CDK12: variants seen among roughly 807,000 people sequenced by gnomAD.
CDK12 encodes cyclin dependent kinase 12.
Under a neutral mutation model 133.8 loss-of-function variants are expected in CDK12, and 17 were observed. The ratio of observed to expected loss-of-function variants is 0.13; its 90% confidence interval spans 0.09 to 0.19. The LOEUF is 0.19. CDK12 is among the 10% of genes least tolerant of loss of function. The pLI, the probability that CDK12 is intolerant of heterozygous loss-of-function variation, is 1.00. For missense variants in CDK12, 1,508 were observed against 1,818.7 expected (o/e 0.83, Z 3.11); for synonymous variants, 694 against 683.6 (o/e 1.02, Z -0.24).
intron 6 of CDK12, among the ~76,000 whole-genome samples, chr17:39,502,363 C>G (rs1197989077): frequency 6.6e-6 from 1 of 151,998 alleles, no homozygotes; most frequent in Non-Finnish European, 1.5e-5. Flanking sequence ...CCATGTTAGC[C>G]AGGATGGTCT....
intron 2 of CDK12, among the ~76,000 whole-genome samples, chr17:39,484,720 C>T (rs1684774043): frequency 6.6e-6 from 1 of 151,970 alleles, no homozygotes; most frequent in Non-Finnish European, 1.5e-5. Flanking sequence ...ATCCCTAATC[C>T]AAAAATCTAG....
intron 8 of CDK12, among the ~76,000 whole-genome samples, chr17:39,514,631 A>G (rs2053685519): frequency 6.6e-6 from 1 of 152,194 alleles, no homozygotes; most frequent in South Asian, 2.1e-4. Flanking sequence ...ATGAGCTGCC[A>G]TGCTCAGCCT....
At chr17:39,476,430 A>G (rs371453076) in intron 2 of CDK12, among the ~76,000 whole-genome samples, 55 of 148,528 alleles carry the variant, frequency 3.7e-4, no homozygotes, top group African/African-American at 1.3e-3. Context: ...TTATTTATTT[A>G]TTTTTTGAGA....
intron 3 of CDK12, among the ~76,000 whole-genome samples, chr17:39,557,627 T>A (rs2056208994): frequency 6.6e-6 from 1 of 152,214 alleles, no homozygotes; most frequent in African/African-American, 2.4e-5. Context: ...GATGAAAGAC[T>A]TCAGATTGGA....
At chr17:39,498,356 C>G (rs959300130) in intron 5 of CDK12, among the ~76,000 whole-genome samples, 2 of 152,012 alleles carry the variant, frequency 1.3e-5, no homozygotes, top group Non-Finnish European at 2.9e-5. Context: ...TCCCAAGTAG[C>G]TGGGATTACA....
chr17:39,558,947 A>G (rs2056266869), intron 3 of CDK12, among the ~76,000 whole-genome samples: 1 of 152,204 alleles, frequency 6.6e-6, no homozygotes, highest in African/African-American at 2.4e-5. Flanking sequence ...CCCGGCCTTC[A>G]TGCATTTTAA....
intron 13 of CDK12, 80 bp from the exon 14 acceptor site, chr17:39,530,524 T>G: frequency 6.7e-7 from 1 of 1,502,248 alleles, no homozygotes; most frequent in East Asian, 2.3e-5. Flanking sequence ...TATTTGTTTA[T>G]GTTGCACAGT....
chr17:39,490,594 G>C lies in CDK12; in HGVS notation c.1969G>C (p.Glu657Gln). 1 of 1,613,216 alleles carries C rather than the reference G, an allele frequency of 6.2e-7. No individual in the cohort carries two copies. The highest frequency in any genetic ancestry group is 8.5e-7 in the Non-Finnish European group (1 of 1,179,542). Residue 657 changes from glutamate to glutamine, a missense_variant, in exon 3 of 14, where the codon GAG (glutamate) becomes CAG (glutamine). Physicochemically the swap from Glu to Gln is conservative, Grantham distance 29. Around this residue, in one of 9 missense-constraint regions of CDK12, gnomAD observed 347 missense variants for 330.8 expected, o/e 1.05. Coordinates refer to ENST00000447079, the MANE Select transcript of CDK12 (RefSeq NM_016507.4). Reference sequence around the variant, plus strand: ...TCTTCCTTCAAAACCTGTGAAGAAAGAGAAGGAACAGAGGACACGTCACTT... The same window carrying C: ...TCTTCCTTCAAAACCTGTGAAGAAACAGAAGGAACAGAGGACACGTCACTT... ...ETLPSKPVKKEKEQRTRHLLT... is the reference protein window; with the variant it reads ...ETLPSKPVKKQKEQRTRHLLT...
intron 13 of CDK12, among the ~76,000 whole-genome samples, chr17:39,527,413 A>C (rs1482508537): frequency 6.6e-6 from 1 of 152,194 alleles, no homozygotes; most frequent in Non-Finnish European, 1.5e-5. Flanking sequence ...GTTAATTAGC[A>C]CTTCCACCAG....
At chr17:39,485,386 C>T (rs2051034277) in intron 2 of CDK12, among the ~76,000 whole-genome samples, 1 of 148,530 alleles carries the variant, frequency 6.7e-6, no homozygotes, top group South Asian at 2.1e-4. Flanking sequence ...GAGTTTGAGA[C>T]CAGAGCTTAG....
At chr17:39,514,098 G>A (rs775308602) in intron 8 of CDK12, among the ~76,000 whole-genome samples, 8 of 151,596 alleles carry the variant, frequency 5.3e-5, no homozygotes, top group African/African-American at 1.5e-4. Flanking sequence ...ATCTCACTAC[G>A]TTGCCCAGCC....
intron 2 of CDK12, among the ~76,000 whole-genome samples, chr17:39,480,015 C>T (rs2050512852): frequency 6.6e-6 from 1 of 151,160 alleles, no homozygotes; most frequent in South Asian, 2.1e-4. Context: ...CCTCCACTTC[C>T]TGGGTTCAAG....
intron 2 of CDK12, among the ~76,000 whole-genome samples, chr17:39,485,169 CAA>C (rs564188686): frequency 2.1e-4 from 16 of 75,022 alleles, no homozygotes; most frequent in South Asian, 8.5e-4. Flanking sequence ...GACTCTGTCT[CAA>C]AAAAAAAAAA....
At chr17:39,557,319 G>A (rs1163284503) in intron 3 of CDK12, among the ~76,000 whole-genome samples, 1 of 152,160 alleles carries the variant, frequency 6.6e-6, no homozygotes, top group Non-Finnish European at 1.5e-5. Context: ...CTCTAAGCTG[G>A]TCTTTTTGAT....
At chr17:39,566,348 A>T (rs1299216085), downstream of CDK12, among the ~76,000 whole-genome samples, 3 of 152,072 alleles carry the variant, frequency 2.0e-5, no homozygotes, top group Admixed American at 1.3e-4. Flanking sequence ...TCTGGTCATT[A>T]GGGCAAGGAG....
In CDK12 at chr17:39,462,398, C is replaced by T. The variant is rs761059862; in HGVS notation, c.327C>T (p.His109=). The T allele has an allele frequency of 6.2e-7, 1 of 1,614,158 alleles. No homozygotes were observed. Among genetic ancestry groups the T allele is most frequent in the Non-Finnish European group, 8.5e-7 (1 of 1,180,032 alleles). Residue 109 remains histidine, a synonymous_variant, in exon 1 of 14, where the codon CAC becomes CAT. Coordinates refer to ENST00000447079, the MANE Select transcript of CDK12 (RefSeq NM_016507.4). ...GATCAGATCGGAGCGACCGCCTGCA[C>T]AAACATCGTCACCACCAGCACAGGC... ...RRGSDRSDRL[H]KHRHHQHRRS...
At chr17:39,481,677 T>TGTTGCCCAGGCTGGACTGCGATGGCA (rs2050701851) in intron 2 of CDK12, among the ~76,000 whole-genome samples, 1 of 13,430 alleles carries the variant, frequency 7.4e-5, no homozygotes, top group African/African-American at 1.4e-4. Context: ...TCTCTCTCTC[T>TGTTGCCCAGGCTGGACTGCGATGGCA]CTCTCTCTCT....
At chr17:39,510,484 C>T (rs1293882020) in intron 7 of CDK12, among the ~76,000 whole-genome samples, 1 of 152,022 alleles carries the variant, frequency 6.6e-6, no homozygotes, top group African/African-American at 2.4e-5. Flanking sequence ...GTCAGAGTTC[C>T]CTAATTATCT....
chr17:39,506,550 A>G (rs371718458), intron 6 of CDK12, among the ~76,000 whole-genome samples: 1 of 152,106 alleles, frequency 6.6e-6, no homozygotes, highest in Non-Finnish European at 1.5e-5. Flanking sequence ...ACTTGTGTTC[A>G]GCTCTCTAGG....
Sources: allele counts gnomAD v4.1 joint callset (sites outside exome capture counted in the v4.1 genomes callset), GRCh38; gene constraint gnomAD v4.1.1; regional missense constraint gnomAD v4.1.1; transcripts MANE v1.5; gene names NCBI Gene and HGNC (gene_info 2026-07-23, HGNC 2026-07-21).